The following BTBD9 variants were observed in gnomAD, a reference collection of about 807,000 sequenced individuals.
The protein encoded by BTBD9 is BTB/POZ domain-containing protein 9.
A neutral mutation model predicts 64.3 loss-of-function variants in BTBD9; 49 were observed. The ratio of observed to expected loss-of-function variants is 0.76; its 90% CI spans 0.61 to 0.97. BTBD9 has a LOEUF of 0.97. BTBD9 is among the 50% of genes least tolerant of loss of function. The pLI is 0.00. For synonymous variants in BTBD9, 260 were observed against 274.7 expected (o/e 0.95, Z 0.53); for missense variants, 598 against 762.1 (o/e 0.78, Z 2.53).
At chr6:38,342,374 A>G (rs1004432398) in intron 7 of BTBD9, among the ~76,000 whole-genome samples, 1 of 151,908 alleles carries the variant, frequency 6.6e-6, no homozygotes, top group African/African-American at 2.4e-5. Context: ...TGTCTCAACT[A>G]AAAATACAAA....
At position 38,173,115 on chromosome 6, in the gene BTBD9, C is replaced by G. The variant is rs1766862065; in HGVS notation, c.*1870G>C. ...TGCCCTTGATATGACTGTCTGGCTC[C>G]TTTGTCCCCATCTGGGTAGAAAACA... On this transcript the variant is annotated 3_prime_UTR_variant, in exon 11 of 11. Transcript: ENST00000481247. 6.6e-6 allele frequency: 1 copy of G among 152,324 alleles called. No individual in the cohort carries two copies. The highest frequency in any genetic ancestry group is 1.5e-5 in the Non-Finnish European group (1 of 68,090). The allele number at this position is 152,324 out of a possible 1,614,324, so 9.4% of individuals were successfully genotyped here.
At chr6:38,495,479 A>G (rs768475209) in intron 6 of BTBD9, among the ~76,000 whole-genome samples, 3 of 152,242 alleles carry the variant, frequency 2.0e-5, no homozygotes, top group Non-Finnish European at 4.4e-5. Context: ...AATTTCATCT[A>G]TGAAAAACCT....
At chr6:38,282,090 G>A (rs1428789201) in intron 8 of BTBD9, among the ~76,000 whole-genome samples, 1 of 152,204 alleles carries the variant, frequency 6.6e-6, no homozygotes, top group Non-Finnish European at 1.5e-5. Flanking sequence ...TAAGGCGACA[G>A]AGGGACTATA....
At chr6:38,576,167 A>C (rs1043775155) in intron 6 of BTBD9, among the ~76,000 whole-genome samples, 2 of 152,170 alleles carry the variant, frequency 1.3e-5, no homozygotes, top group African/African-American at 4.8e-5. Flanking sequence ...CCTGTGTTTT[A>C]ATCAGATACA....
chr6:38,284,556 T>TC (rs1008084083), intron 8 of BTBD9, among the ~76,000 whole-genome samples: 9 of 151,990 alleles, frequency 5.9e-5, no homozygotes, highest in Non-Finnish European at 1.3e-4. Context: ...TTGTACCCCC[T>TC]CCCCCCAGTT....
At chr6:38,199,022 G>A (rs1762366728) in intron 9 of BTBD9, among the ~76,000 whole-genome samples, 1 of 152,132 alleles carries the variant, frequency 6.6e-6, no homozygotes, top group East Asian at 1.9e-4. Context: ...CAGGAAGACT[G>A]GTTGAAAGAA....
intron 6 of BTBD9, among the ~76,000 whole-genome samples, chr6:38,437,920 G>C (rs1163068629): frequency 6.6e-6 from 1 of 151,918 alleles, no homozygotes; most frequent in East Asian, 1.9e-4. Flanking sequence ...TATGTTGAAA[G>C]GTGACATGTC....
chr6:38,228,746 C>T (rs866847918), intron 9 of BTBD9, among the ~76,000 whole-genome samples: 9 of 151,296 alleles, frequency 5.9e-5, no homozygotes, highest in Non-Finnish European at 1.3e-4. Context: ...TGGTGGCATG[C>T]GCCTGTAGTC....
At chr6:38,468,144 G>C (rs991095724) in intron 6 of BTBD9, among the ~76,000 whole-genome samples, 1 of 152,082 alleles carries the variant, frequency 6.6e-6, no homozygotes, top group Non-Finnish European at 1.5e-5. Flanking sequence ...TTCCCGAAGT[G>C]CTGAGATTAC....
At chr6:38,271,268 T>G (rs1765187647) in intron 8 of BTBD9, among the ~76,000 whole-genome samples, 1 of 152,144 alleles carries the variant, frequency 6.6e-6, no homozygotes, top group Admixed American at 6.5e-5. Flanking sequence ...TGTTGGCCCC[T>G]CCTTGTGGCA....
chr6:38,623,767 T>C (rs910007682), intron 1 of BTBD9, among the ~76,000 whole-genome samples: 16 of 152,244 alleles, frequency 1.1e-4, no homozygotes, highest in African/African-American at 3.9e-4. Flanking sequence ...CCTGTATTTT[T>C]AAACTCCTTG....
chr6:38,381,122 A>T (rs1208392642), intron 6 of BTBD9, among the ~76,000 whole-genome samples: 1 of 152,190 alleles, frequency 6.6e-6, no homozygotes, highest in African/African-American at 2.4e-5. Context: ...GGGGAGAAAT[A>T]GATCAAATGT....
At chr6:38,614,983 A>C (rs548277100) in intron 1 of BTBD9, among the ~76,000 whole-genome samples, 5 of 152,336 alleles carry the variant, frequency 3.3e-5, no homozygotes, top group East Asian at 3.9e-4. Context: ...ATCGTAAAAG[A>C]AGCACAGAAA....
intron 6 of BTBD9, among the ~76,000 whole-genome samples, chr6:38,507,856 C>T (rs371732666): frequency 2.4e-4 from 30 of 123,046 alleles, no homozygotes; most frequent in African/African-American, 9.0e-4. Flanking sequence ...TTTTTTGAGA[C>T]GGAGTCTCGC....
At chr6:38,201,094 A>G (rs577933428) in intron 9 of BTBD9, among the ~76,000 whole-genome samples, 1 of 152,318 alleles carries the variant, frequency 6.6e-6, no homozygotes, top group East Asian at 1.9e-4. Context: ...CTCATTCTGC[A>G]AGACCAGCAT....
chr6:38,330,053 C>CTTT (rs147264863), intron 7 of BTBD9, among the ~76,000 whole-genome samples: 1 of 150,326 alleles, frequency 6.7e-6, no homozygotes. Flanking sequence ...TTTTTCTTTT[C>CTTT]TTTTTTTTTG....
chr6:38,318,777 C>CT (rs1397646914), intron 7 of BTBD9, among the ~76,000 whole-genome samples: 2 of 152,188 alleles, frequency 1.3e-5, no homozygotes, highest in Non-Finnish European at 2.9e-5. Context: ...TAGCTACCAC[C>CT]TATGTTTGTT....
chr6:38,440,671 T>C (rs1431583568), intron 6 of BTBD9, among the ~76,000 whole-genome samples: 4 of 152,258 alleles, frequency 2.6e-5, no homozygotes, highest in Non-Finnish European at 5.9e-5. Flanking sequence ...GTGTATATTA[T>C]AGTAACATAT....
At chr6:38,293,927 AAAGGGCTAATATCCAGAATCTAC>A (rs1198407785) in intron 7 of BTBD9, among the ~76,000 whole-genome samples, 1 of 152,222 alleles carries the variant, frequency 6.6e-6, no homozygotes, top group Non-Finnish European at 1.5e-5. Flanking sequence ...TCCATCTGAC[AAAGGGCTAATATCCAGAATCTAC>A]AAGGAACTTC....
Sources: allele counts gnomAD v4.1 joint callset (sites outside exome capture counted in the v4.1 genomes callset), GRCh38; gene constraint gnomAD v4.1.1; transcripts MANE v1.5; gene names NCBI Gene and HGNC (gene_info 2026-07-23, HGNC 2026-07-21).